HS6ST3: variants seen among roughly 807,000 people sequenced by gnomAD.
HS6ST3 encodes heparan-sulfate 6-O-sulfotransferase 3.
In HS6ST3, 12 loss-of-function variants were observed where a neutral mutation model predicts 36.7. The observed-to-expected ratio is 0.33, with a 90% CI of 0.21 to 0.53. The LOEUF (loss-of-function observed/expected upper bound fraction) is 0.53. Ranked by LOEUF, HS6ST3 falls within the 20% of genes least tolerant of loss-of-function variation. The pLI, the probability that HS6ST3 is intolerant of heterozygous loss-of-function variation, is 0.95. For synonymous variants in HS6ST3, 240 were observed against 257.5 expected (o/e 0.93, Z 0.65); for missense variants, 584 against 640.9 (o/e 0.91, Z 0.96).
At chr13:96,774,726 G>A (rs769022016) in intron 1 of HS6ST3, among the ~76,000 whole-genome samples, 4 of 152,174 alleles carry the variant, frequency 2.6e-5, no homozygotes, top group Non-Finnish European at 4.4e-5. Context: ...TGAAAGTGAC[G>A]GGGAGAATGC....
intron 1 of HS6ST3, among the ~76,000 whole-genome samples, chr13:96,336,542 C>G (rs1850217114): frequency 6.6e-6 from 1 of 151,990 alleles, no homozygotes; most frequent in South Asian, 2.1e-4. Context: ...ATTAGGACAC[C>G]AATATGTACA....
rs534782846 is a variant in HS6ST3, at chr13:96,832,880, A to G, written c.1098A>G (p.Arg366=). Reference sequence around the variant, plus strand: ...GGAAGACACAGTTTCTCTTTGAGAGAACATTCAACCTCAAGTTCATCTCCC... The same window carrying G: ...GGAAGACACAGTTTCTCTTTGAGAGGACATTCAACCTCAAGTTCATCTCCC... ...FQRKTQFLFE[R]TFNLKFISPF... The change falls in exon 2 of 2, where the codon AGA becomes AGG. Residue 366 remains arginine, a synonymous_variant. Transcript: ENST00000376705. 1 of 1,614,194 alleles carries G rather than the reference A, an allele frequency of 6.2e-7. No homozygotes were observed. The highest frequency in any genetic ancestry group is 1.7e-5 in the Admixed American group (1 of 60,018).
At chr13:96,730,852 G>A (rs1924581) in intron 1 of HS6ST3, among the ~76,000 whole-genome samples, 1 of 151,838 alleles carries the variant, frequency 6.6e-6, no homozygotes, top group Admixed American at 6.6e-5. Flanking sequence ...TCCCACCTCA[G>A]CTTCCTGTAG....
At chr13:96,756,285 T>C (rs921935606) in intron 1 of HS6ST3, among the ~76,000 whole-genome samples, 1 of 152,210 alleles carries the variant, frequency 6.6e-6, no homozygotes, top group African/African-American at 2.4e-5. Flanking sequence ...ATATGAATTG[T>C]GAATATTTTC....
At chr13:96,375,216 C>G (rs1371443832) in intron 1 of HS6ST3, among the ~76,000 whole-genome samples, 1 of 152,132 alleles carries the variant, frequency 6.6e-6, no homozygotes, top group African/African-American at 2.4e-5. Context: ...AGGGTGATTG[C>G]CTGATTACTT....
intron 1 of HS6ST3, among the ~76,000 whole-genome samples, chr13:96,697,972 GT>G (rs2138450152): frequency 6.6e-6 from 1 of 152,108 alleles, no homozygotes; most frequent in Non-Finnish European, 1.5e-5. Flanking sequence ...TCTTTGAAGT[GT>G]TTTCATATTA....
At chr13:96,635,068 G>T (rs1176180875) in intron 1 of HS6ST3, among the ~76,000 whole-genome samples, 1 of 152,084 alleles carries the variant, frequency 6.6e-6, no homozygotes, top group Non-Finnish European at 1.5e-5. Flanking sequence ...AATTAACACT[G>T]CCCTAATAGA....
chr13:96,421,729 C>T (rs2055563564), intron 1 of HS6ST3, among the ~76,000 whole-genome samples: 1 of 151,588 alleles, frequency 6.6e-6, no homozygotes, highest in South Asian at 2.1e-4. Context: ...CTTCCGTCTC[C>T]ATGTTTCCAT....
At chr13:96,726,218 T>G (rs1594845944) in intron 1 of HS6ST3, among the ~76,000 whole-genome samples, 1 of 152,230 alleles carries the variant, frequency 6.6e-6, no homozygotes, top group Non-Finnish European at 1.5e-5. Flanking sequence ...TTTAGATCTA[T>G]AGCATTTCCA....
chr13:96,457,935 A>G (rs2055762245), intron 1 of HS6ST3, among the ~76,000 whole-genome samples: 1 of 152,060 alleles, frequency 6.6e-6, no homozygotes, highest in South Asian at 2.1e-4. Context: ...GAAGGCTAAG[A>G]GTCTATACTA....
At chr13:96,763,112 C>T (rs1024192455) in intron 1 of HS6ST3, among the ~76,000 whole-genome samples, 2 of 151,944 alleles carry the variant, frequency 1.3e-5, no homozygotes, top group Admixed American at 6.6e-5. Context: ...AAATCTGAGT[C>T]AGGAAGAGGG....
chr13:96,365,929 A>G (rs908218777), intron 1 of HS6ST3, among the ~76,000 whole-genome samples: 4 of 152,174 alleles, frequency 2.6e-5, no homozygotes, highest in Non-Finnish European at 5.9e-5. Flanking sequence ...AAAAATAAGA[A>G]TTTTAGTAAG....
intron 1 of HS6ST3, among the ~76,000 whole-genome samples, chr13:96,423,316 G>T (rs2139469461): frequency 6.6e-6 from 1 of 152,124 alleles, no homozygotes; most frequent in South Asian, 2.1e-4. Context: ...GACTGTTCTG[G>T]GTCTTGGGTC....
In HS6ST3 at chr13:96,194,445, TA is replaced by T. The variant is rs1481000046; in HGVS notation, c.707+102878del. Reference sequence around the variant, plus strand: ...GGTACCCAGAAAATTCATTTTTTTTTAATTAAAAAAATTATTTTCTCCCAGC... The same window carrying T: ...GGTACCCAGAAAATTCATTTTTTTTTATTAAAAAAATTATTTTCTCCCAGC... On this transcript the variant is annotated intron_variant, in intron 1 of 1. Transcript: ENST00000376705. 2.0e-5 allele frequency among the ~76,000 whole-genome samples: 3 copies of T among 152,098 alleles called. No individual in the cohort carries two copies. The East Asian group carries it at 5.8e-4, about 29-fold the overall frequency.
intron 1 of HS6ST3, among the ~76,000 whole-genome samples, chr13:96,512,603 G>T (rs1756677362): frequency 6.6e-6 from 1 of 151,980 alleles, no homozygotes; most frequent in African/African-American, 2.4e-5. Context: ...ATACATTAGG[G>T]AATCATGAAT....
At chr13:96,153,789 T>C (rs543614815) in intron 1 of HS6ST3, among the ~76,000 whole-genome samples, 95 of 152,330 alleles carry the variant, frequency 6.2e-4, no homozygotes, top group African/African-American at 2.0e-3. Flanking sequence ...TTAATGGAGG[T>C]ATCAGTTGAG....
At chr13:96,247,231 C>A (rs1046086612) in intron 1 of HS6ST3, among the ~76,000 whole-genome samples, 3 of 151,958 alleles carry the variant, frequency 2.0e-5, no homozygotes, top group African/African-American at 7.2e-5. Flanking sequence ...TTGGTGGCAA[C>A]GTGTCTATTG....
chr13:96,596,841 C>A (rs1279209076), intron 1 of HS6ST3, among the ~76,000 whole-genome samples: 1 of 151,954 alleles, frequency 6.6e-6, no homozygotes, highest in African/African-American at 2.4e-5. Flanking sequence ...AATGTATACC[C>A]AAAGAAATGT....
At chr13:96,753,839 A>C (rs75261896) in intron 1 of HS6ST3, among the ~76,000 whole-genome samples, 1 of 151,888 alleles carries the variant, frequency 6.6e-6, no homozygotes, top group Non-Finnish European at 1.5e-5. Flanking sequence ...TTTTTTTTTA[A>C]GACTGAGTCT....
Sources: gnomAD v4.1 joint callset for allele counts (sites outside exome capture counted in the v4.1 genomes callset) on GRCh38, gnomAD v4.1.1 for gene constraint, MANE v1.5 for transcripts, NCBI Gene and HGNC (gene_info 2026-07-23, HGNC 2026-07-21) for gene names.